SEMA6A: variants seen among roughly 807,000 people sequenced by gnomAD.
SEMA6A encodes semaphorin-6A.
In SEMA6A, 25 loss-of-function variants were observed where a neutral mutation model predicts 96.8. The observed-to-expected ratio is 0.26, with a 90% CI of 0.19 to 0.36. The LOEUF is 0.36. SEMA6A is among the 10% of genes least tolerant of loss of function. The probability of loss-of-function intolerance (pLI) is 1.00; values close to 1 mark genes in which losing one functional copy is unlikely to be tolerated. For missense variants in SEMA6A, 1,363 were observed against 1,323.1 expected, an observed-to-expected ratio of 1.03 and a Z score of -0.47; for synonymous variants, 612 against 518.0, an observed-to-expected ratio of 1.18 and a Z score of -2.46.
intron 1 of SEMA6A, among the ~76,000 whole-genome samples, chr5:116,545,820 G>A (rs1025993411): frequency 6.6e-6 from 1 of 152,144 alleles, no homozygotes; most frequent in Non-Finnish European, 1.5e-5. Flanking sequence ...TTTGGATGAA[G>A]ACTTGGAGAT....
intron 18 of SEMA6A, among the ~76,000 whole-genome samples, chr5:116,458,933 C>T (rs1476945867): frequency 1.3e-5 from 2 of 152,124 alleles, no homozygotes; most frequent in African/African-American, 4.8e-5. Context: ...AAACCCACAT[C>T]ATCCATTTGA....
chr5:116,526,049 G>A (rs950910688), intron 1 of SEMA6A, among the ~76,000 whole-genome samples: 2 of 144,920 alleles, frequency 1.4e-5, no homozygotes, highest in Non-Finnish European at 3.0e-5. Context: ...AAAGTTTTAA[G>A]AATTTTTCAC....
chr5:116,443,862 C>T lies in SEMA6A; in HGVS notation c.*2751G>A, dbSNP rs989164193. 25 of 152,728 alleles carry T rather than the reference C, an allele frequency of 1.6e-4. No homozygotes were observed. Among genetic ancestry groups the T allele is most frequent in the African/African-American group, 6.0e-4 (25 of 41,570 alleles). The allele number at this position is 152,728 out of a possible 1,614,324, so 9.5% of individuals were successfully genotyped here. A position where few individuals can be genotyped will look rare whatever the true frequency, so the allele number is the denominator to read the frequency against. On this transcript the variant is annotated 3_prime_UTR_variant, in exon 19 of 19. Transcript: ENST00000343348. The stretch of plus-strand genomic sequence containing the variant: ...TGGGGAAAAAAACTGGGGAGAAATA[C>T]TTAAATGCAGAAGACCAGCTCAATA...
At chr5:116,495,738 T>TG in intron 5 of SEMA6A, 1 of 471,140 alleles carries the variant, frequency 2.1e-6, no homozygotes, top group East Asian at 3.9e-5. Flanking sequence ...GAAGATTGTG[T>TG]GTTTATTTTA....
At chr5:116,464,607 C>T (rs1408891464) in intron 18 of SEMA6A, among the ~76,000 whole-genome samples, 1 of 152,058 alleles carries the variant, frequency 6.6e-6, no homozygotes, top group African/African-American at 2.4e-5. Flanking sequence ...CACAGAGGGG[C>T]AGAGGGTTTG....
intron 1 of SEMA6A, among the ~76,000 whole-genome samples, chr5:116,520,112 G>GC (rs1351922013): frequency 6.6e-6 from 1 of 152,082 alleles, no homozygotes; most frequent in African/African-American, 2.4e-5. Flanking sequence ...CAGCCCCTGT[G>GC]CCTTGCTTTC....
intron 18 of SEMA6A, among the ~76,000 whole-genome samples, chr5:116,451,029 A>G (rs1211820924): frequency 6.6e-6 from 1 of 152,186 alleles, no homozygotes; most frequent in Non-Finnish European, 1.5e-5. Context: ...GTGGTGATAA[A>G]AGCAGCTAGA....
chr5:116,507,100 A>C (rs1055983476), intron 1 of SEMA6A, among the ~76,000 whole-genome samples: 3 of 152,232 alleles, frequency 2.0e-5, no homozygotes, highest in Non-Finnish European at 4.4e-5. Flanking sequence ...TATTCTGGCT[A>C]TCCCTGCAGC....
At chr5:116,558,413 C>T (rs1238811016) in intron 1 of SEMA6A, among the ~76,000 whole-genome samples, 1 of 151,794 alleles carries the variant, frequency 6.6e-6, no homozygotes, top group Admixed American at 6.6e-5. Flanking sequence ...TTTTAAGCCC[C>T]GCATGCTTTA....
chr5:116,496,150 G>C (rs138410218), intron 5 of SEMA6A, 101 bp downstream of exon 5: 2 of 1,021,038 alleles, frequency 2.0e-6, no homozygotes, highest in South Asian at 2.9e-5. Flanking sequence ...GAGGGAAAAA[G>C]GAAAAAGCAC....
At chr5:116,518,726 C>T (rs1028896347) in intron 1 of SEMA6A, among the ~76,000 whole-genome samples, 3 of 152,206 alleles carry the variant, frequency 2.0e-5, no homozygotes, top group Admixed American at 6.5e-5. Context: ...AATGGATAAA[C>T]GTCTCTAGAA....
At chr5:116,513,418 T>C (rs1169883687) in intron 1 of SEMA6A, among the ~76,000 whole-genome samples, 1 of 152,146 alleles carries the variant, frequency 6.6e-6, no homozygotes, top group Non-Finnish European at 1.5e-5. Flanking sequence ...TGAGCCACCG[T>C]ACCCGGCAAG....
chr5:116,465,995 T>TCAA (rs1755707408), intron 18 of SEMA6A, among the ~76,000 whole-genome samples: 1 of 149,716 alleles, frequency 6.7e-6, no homozygotes, highest in Admixed American at 6.7e-5. Flanking sequence ...ACCTGGAGCT[T>TCAA]TCTCGGGATG....
chr5:116,566,982 G>A (rs1167662619), intron 1 of SEMA6A, among the ~76,000 whole-genome samples: 1 of 152,082 alleles, frequency 6.6e-6, no homozygotes, highest in Non-Finnish European at 1.5e-5. Flanking sequence ...TGTGGTCCTT[G>A]GGAATTCAAC....
In SEMA6A at chr5:116,490,757, C is replaced by T. The variant is rs192078384; in HGVS notation, c.535+983G>A. ...GTTTCATAATCAAAGCCCTAGGGTCCCTCATCCAGCTAGTATGTGCCAGTT... is the reference window on the plus strand; with the variant it reads ...GTTTCATAATCAAAGCCCTAGGGTCTCTCATCCAGCTAGTATGTGCCAGTT... On this transcript the variant is annotated intron_variant, in intron 7 of 18. Transcript: ENST00000343348. Among the ~76,000 whole-genome samples, 71 of 152,238 alleles carry T rather than the reference C, an allele frequency of 4.7e-4. 1 individual carries two copies. Among genetic ancestry groups the T allele is most frequent in the Admixed American group, 4.3e-3 (65 of 15,288 alleles).
At chr5:116,540,124 C>T (rs1472276969) in intron 1 of SEMA6A, among the ~76,000 whole-genome samples, 1 of 152,078 alleles carries the variant, frequency 6.6e-6, no homozygotes, top group Admixed American at 6.6e-5. Flanking sequence ...TCTTTATATG[C>T]TCAGTCTGAT....
chr5:116,504,883 G>A lies in SEMA6A; in HGVS notation c.62C>T (p.Pro21Leu), dbSNP rs751212050. The A allele has an allele frequency of 3.2e-5, 51 of 1,604,256 alleles. No homozygotes were observed. The highest frequency in any genetic ancestry group is 4.0e-5 in the African/African-American group (3 of 74,802). Residue 21 changes from proline to leucine, a missense_variant, in exon 2 of 19, where the codon CCA (proline) becomes CTA (leucine). Pro to Leu is a moderately conservative substitution (Grantham distance 98). Around this residue, in one of 2 missense-constraint regions of SEMA6A, gnomAD observed 480 missense variants for 559.5 expected, o/e 0.86. Coordinates refer to ENST00000343348, the MANE Select transcript of SEMA6A (RefSeq NM_020796.5). ...TLLHFAGAGF[P>L]EDSEPISISH... ...AATACTGATTGGCTCAGAATCTTCT[G>A]GGAAACCAGCCCCAGCAAAGTGTAG...
rs201802421 is a variant in SEMA6A at position 116,502,265 on chromosome 5, T to C, written c.163A>G (p.Arg55Gly). Residue 55 changes from arginine to glycine, a missense_variant, in exon 3 of 19, where the codon AGG (arginine) becomes GGG (glycine). Transcript: ENST00000343348. ...ATCATAATCATCTGGATGTCCAGCCTGTGCCTCTGTGTGGTGTTCCGTCCT... is the reference window on the plus strand; with the variant it reads ...ATCATAATCATCTGGATGTCCAGCCCGTGCCTCTGTGTGGTGTTCCGTCCT... ...KPGRNTTQRH[R>G]LDIQMIMIMN... is the part of the protein sequence containing the mutation. 256 of 1,613,890 alleles carry C rather than the reference T, an allele frequency of 1.6e-4. No homozygotes were observed. Among genetic ancestry groups the C allele is most frequent in the Non-Finnish European group, 2.0e-4 (233 of 1,179,882 alleles).
At chr5:116,458,434 G>A (rs989496628) in intron 18 of SEMA6A, among the ~76,000 whole-genome samples, 1 of 152,090 alleles carries the variant, frequency 6.6e-6, no homozygotes, top group Admixed American at 6.5e-5. Flanking sequence ...AAAGGGTGGG[G>A]GTAAAGTGTC....
Sources: gnomAD v4.1 joint callset for allele counts (sites outside exome capture counted in the v4.1 genomes callset) on GRCh38, gnomAD v4.1.1 for gene constraint, gnomAD v4.1.1 regional missense constraint, MANE v1.5 for transcripts, NCBI Gene and HGNC (gene_info 2026-07-23, HGNC 2026-07-21) for gene names.